ALPK1: variants seen among roughly 807,000 people sequenced by gnomAD.
ALPK1 encodes the protein alpha kinase 1.
ALPK1 carries 110 observed loss-of-function variants against 120.6 expected under a neutral mutation model. That is an observed-to-expected ratio of 0.91 (90% CI 0.78 to 1.07). The LOEUF (loss-of-function observed/expected upper bound fraction) is 1.07, where lower values mean the gene tolerates loss of function less well. Ranked by LOEUF, ALPK1 falls within the 50% of genes least tolerant of loss-of-function variation. The pLI is 0.00. For missense variants in ALPK1, 1,498 were observed against 1,483.9 expected (o/e 1.01, Z -0.16); for synonymous variants, 582 against 560.3 (o/e 1.04, Z -0.55).
chr4:112,432,912 C>T (rs1400932988), intron 11 of ALPK1, among the ~76,000 whole-genome samples: 1 of 152,204 alleles, frequency 6.6e-6, no homozygotes, highest in Admixed American at 6.5e-5. Flanking sequence ...CTCATCCACT[C>T]AGCATCTATC....
Position 112,431,044 on chromosome 4 carries a change from C to T in ALPK1, c.1497C>T (p.Asn499=), listed in dbSNP as rs1278944580. The change falls in exon 11 of 16, where the codon AAC becomes AAT. Residue 499 remains asparagine (N), a synonymous_variant. Transcript: ENST00000650871. ...CTGCTCTAAAAACAGAAATAAAAAA[C>T]ATAGATACTGTGAGTACTACTCAAG... ...CITALKTEIK[N]IDTVSTTQEK... 2 of 1,613,664 alleles carry T rather than the reference C, an allele frequency of 1.2e-6. No homozygotes were observed. Among genetic ancestry groups the T allele is most frequent in the South Asian group, 1.1e-5 (1 of 91,026 alleles).
chr4:112,423,602 C>T (rs529788435), intron 5 of ALPK1: 23 of 414,946 alleles, frequency 5.5e-5, no homozygotes, highest in South Asian at 2.9e-4. Context: ...CTCTATTCCA[C>T]TTCCTGAAGT....
chr4:112,354,077 A>G (rs1730487931), intron 2 of ALPK1, among the ~76,000 whole-genome samples: 1 of 152,164 alleles, frequency 6.6e-6, no homozygotes, highest in Non-Finnish European at 1.5e-5. Context: ...ATTGATTTAC[A>G]GAAATTCTTT....
At chr4:112,420,873 C>T (rs189688822) in intron 5 of ALPK1, among the ~76,000 whole-genome samples, 6 of 152,250 alleles carry the variant, frequency 3.9e-5, no homozygotes, top group East Asian at 1.9e-4. Flanking sequence ...GACTCTGTCA[C>T]GCAGGCTGGA....
At chr4:112,409,724 A>G (rs1733364001) in intron 4 of ALPK1, among the ~76,000 whole-genome samples, 1 of 152,168 alleles carries the variant, frequency 6.6e-6, no homozygotes, top group African/African-American at 2.4e-5. Flanking sequence ...AAAATTTACC[A>G]GTCAGATTAG....
chr4:112,381,699 T>C (rs1337571719), intron 3 of ALPK1, among the ~76,000 whole-genome samples: 1 of 152,182 alleles, frequency 6.6e-6, no homozygotes, highest in East Asian at 1.9e-4. Flanking sequence ...ATAAATAGCC[T>C]CTAGTTAATT....
intron 2 of ALPK1, among the ~76,000 whole-genome samples, chr4:112,363,409 C>T (rs1053482968): frequency 2.0e-5 from 3 of 152,068 alleles, no homozygotes; most frequent in African/African-American, 7.2e-5. Context: ...AATAGCTATT[C>T]ATGTATTAGA....
At chr4:112,317,315 C>T (rs556583140) in intron 2 of ALPK1, among the ~76,000 whole-genome samples, 1 of 152,134 alleles carries the variant, frequency 6.6e-6, no homozygotes, top group South Asian at 2.1e-4. Flanking sequence ...ATCACCAAAC[C>T]CTACTTCATG....
rs190233985 is a variant in ALPK1, at chr4:112,303,658, G to A, written c.-153+6189G>A. ...ATGCTGTTCAGATGCCTCCTTTTCT[G>A]AGCACATATCTTTATAGCCTTCTTG... On this transcript the variant is annotated intron_variant, in intron 1 of 15. Coordinates refer to ENST00000650871, the MANE Select transcript of ALPK1 (RefSeq NM_025144.4). 1.5e-4 allele frequency among the ~76,000 whole-genome samples: 22 copies of A among 151,676 alleles called. No homozygotes were observed. In the East Asian group the frequency reaches 2.5e-3, roughly 17 times the overall value.
rs34345428 is a variant in ALPK1, at chr4:112,382,289, C to CTTTTTTTTTT, written c.122-97_122-88dup. On this transcript the variant is annotated intron_variant, in intron 3 of 15. Transcript: ENST00000650871. Reference sequence around the variant, plus strand: ...CAAGAGGCAGGGAAAAGGTTTTTCTCTTTTTTTTTTTTTTTTTTTTTGCCA... The same window carrying CTTTTTTTTTT: ...CAAGAGGCAGGGAAAAGGTTTTTCTCTTTTTTTTTTTTTTTTTTTTTTTTTTTTTTTGCCA... The CTTTTTTTTTT allele has an allele frequency of 8.9e-6, 6 of 671,430 alleles. No homozygotes were observed. The African/African-American group carries it at 1.3e-4, about 15-fold the overall frequency. 41.6% of individuals were successfully genotyped at this position (671,430 alleles called of 1,614,324 possible). A position where few individuals can be genotyped will look rare whatever the true frequency, so the allele number is the denominator to read the frequency against.
intron 9 of ALPK1, 70 bp downstream of exon 9, chr4:112,427,735 G>C (rs753520922): frequency 1.1e-5 from 12 of 1,118,270 alleles, no homozygotes; most frequent in Admixed American, 3.7e-5. Context: ...TTGGTTAGTG[G>C]CTGTCTTTCT....
At chr4:112,397,848 T>C (rs1171347817) in intron 4 of ALPK1, among the ~76,000 whole-genome samples, 1 of 152,176 alleles carries the variant, frequency 6.6e-6, no homozygotes, top group Non-Finnish European at 1.5e-5. Context: ...TCCTAGGTCT[T>C]ACTACCTCGA....
chr4:112,435,448 A>T (rs1734749417), intron 12 of ALPK1, 147 bp downstream of exon 12: 1 of 726,296 alleles, frequency 1.4e-6, no homozygotes, highest in East Asian at 2.8e-5. Context: ...TTTCATTATT[A>T]ATTAATTAAC....
At chr4:112,306,057 A>G (rs1035003922) in intron 1 of ALPK1, among the ~76,000 whole-genome samples, 7 of 151,990 alleles carry the variant, frequency 4.6e-5, no homozygotes, top group Non-Finnish European at 1.0e-4. Flanking sequence ...ACATCTATTG[A>G]TTTATGTATG....
intron 2 of ALPK1, among the ~76,000 whole-genome samples, chr4:112,375,747 A>ATT (rs369871364): frequency 4.2e-5 from 6 of 142,780 alleles, no homozygotes; most frequent in African/African-American, 1.5e-4. Context: ...TCTTCAAGAA[A>ATT]TTTTTTTTTT....
intron 2 of ALPK1, among the ~76,000 whole-genome samples, chr4:112,376,990 G>C (rs1048845020): frequency 6.6e-6 from 1 of 151,962 alleles, no homozygotes; most frequent in East Asian, 1.9e-4. Context: ...AAATTACCTT[G>C]ACGGCAGTAG....
intron 4 of ALPK1, among the ~76,000 whole-genome samples, chr4:112,397,280 T>A (rs1264979479): frequency 6.6e-6 from 1 of 152,236 alleles, no homozygotes; most frequent in Non-Finnish European, 1.5e-5. Context: ...ATGTGTGTAA[T>A]CTGTCACATT....
chr4:112,349,545 A>ACACCCCCC (rs1730241690), intron 2 of ALPK1, among the ~76,000 whole-genome samples: 1 of 82,434 alleles, frequency 1.2e-5, no homozygotes, highest in Non-Finnish European at 2.2e-5. Context: ...TACCGCCCCA[A>ACACCCCCC]CCCCTGCCCC....
chr4:112,347,437 G>A lies in ALPK1; in HGVS notation c.-100-30241G>A, dbSNP rs188012770. ...CTTATAAAAGTCATATCATCAACCC[G>A]ATTCAATTTTCTTTGTCAAGATCTA... is the stretch of plus-strand genomic sequence containing the variant. On this transcript the variant is annotated intron_variant, in intron 2 of 15. Coordinates refer to ENST00000650871, the MANE Select transcript of ALPK1 (RefSeq NM_025144.4). Among the ~76,000 whole-genome samples, 378 of 152,234 alleles carry A rather than the reference G, an allele frequency of 2.5e-3. 1 individual carries two copies. The highest frequency in any genetic ancestry group is 8.6e-3 in the African/African-American group (358 of 41,546).
Sources: gnomAD v4.1 joint callset for allele counts (sites outside exome capture counted in the v4.1 genomes callset) on GRCh38, gnomAD v4.1.1 for gene constraint, MANE v1.5 for transcripts, NCBI Gene and HGNC (gene_info 2026-07-23, HGNC 2026-07-21) for gene names.